DLG2: variants seen among roughly 807,000 people sequenced by gnomAD.
The protein encoded by DLG2 is discs large MAGUK scaffold protein 2.
Under a neutral mutation model 132.5 loss-of-function variants are expected in DLG2, and 45 were observed. The observed-to-expected ratio is 0.34, with a 90% CI of 0.27 to 0.44. The LOEUF (loss-of-function observed/expected upper bound fraction) is 0.44, where lower values mean the gene tolerates loss of function less well. Ranked by LOEUF, DLG2 falls within the 20% of genes least tolerant of loss-of-function variation. DLG2 has a pLI of 1.00. For missense variants in DLG2, 1,045 were observed against 1,196.9 expected, an observed-to-expected ratio of 0.87 and a Z score of 1.87; for synonymous variants, 424 against 419.6, an observed-to-expected ratio of 1.01 and a Z score of -0.13.
At chr11:85,338,006 C>T (rs2082244155) in intron 3 of DLG2, among the ~76,000 whole-genome samples, 1 of 152,152 alleles carries the variant, frequency 6.6e-6, no homozygotes, top group African/African-American at 2.4e-5. Flanking sequence ...AATATAAAAA[C>T]TTACCCAGAA....
intron 3 of DLG2, among the ~76,000 whole-genome samples, chr11:85,504,246 G>T (rs1050273227): frequency 1.3e-5 from 2 of 152,036 alleles, no homozygotes; most frequent in African/African-American, 2.4e-5. Context: ...TTTGGCTTTT[G>T]TTGCCATTGC....
chr11:84,641,980 T>C (rs1178716742), intron 6 of DLG2, among the ~76,000 whole-genome samples: 2 of 141,914 alleles, frequency 1.4e-5, no homozygotes, highest in African/African-American at 2.7e-5. Flanking sequence ...TATGTATGCA[T>C]GTGTGTATGT....
intron 8 of DLG2, among the ~76,000 whole-genome samples, chr11:84,213,692 A>G (rs1222235478): frequency 6.6e-6 from 1 of 151,668 alleles, no homozygotes; most frequent in Non-Finnish European, 1.5e-5. Context: ...GGTGGCGGGC[A>G]CCTGTAGTCC....
At chr11:85,159,736 A>C (rs148440740) in intron 4 of DLG2, among the ~76,000 whole-genome samples, 2 of 152,210 alleles carry the variant, frequency 1.3e-5, no homozygotes, top group African/African-American at 4.8e-5. Flanking sequence ...ATTCCTGTTC[A>C]TAAGACCCAT....
intron 8 of DLG2, among the ~76,000 whole-genome samples, chr11:84,195,339 T>C (rs890458601): frequency 2.6e-5 from 4 of 152,128 alleles, no homozygotes; most frequent in Admixed American, 6.5e-5. Flanking sequence ...AATTTTTTTT[T>C]ATTCTAGTAG....
At chr11:84,684,945 A>AT (rs2153713468) in intron 6 of DLG2, among the ~76,000 whole-genome samples, 1 of 152,322 alleles carries the variant, frequency 6.6e-6, no homozygotes, top group African/African-American at 2.4e-5. Context: ...AACATATAAG[A>AT]TTTTGACATT....
At chr11:85,425,179 TAAAG>T (rs1449834781) in intron 3 of DLG2, among the ~76,000 whole-genome samples, 1 of 152,206 alleles carries the variant, frequency 6.6e-6, no homozygotes, top group Non-Finnish European at 1.5e-5. Flanking sequence ...TTCTAAGGTT[TAAAG>T]CAGAACATCT....
At chr11:84,720,041 G>C (rs1340829461) in intron 6 of DLG2, among the ~76,000 whole-genome samples, 2 of 151,986 alleles carry the variant, frequency 1.3e-5, no homozygotes, top group African/African-American at 4.8e-5. Context: ...CCCCATTTCC[G>C]AGCTGCATCT....
intron 18 of DLG2, among the ~76,000 whole-genome samples, chr11:83,740,138 T>C (rs1043349196): frequency 3.3e-5 from 5 of 152,222 alleles, no homozygotes; most frequent in African/African-American, 1.2e-4. Context: ...GCTAAACTAA[T>C]ACATACTCTA....
chr11:84,436,422 C>T (rs951176050), intron 7 of DLG2, among the ~76,000 whole-genome samples: 2 of 152,096 alleles, frequency 1.3e-5, no homozygotes, highest in African/African-American at 4.8e-5. Context: ...AACACTGTGC[C>T]ACAGGCCAGG....
At chr11:83,645,593 A>G (rs929002203) in intron 18 of DLG2, 1 of 152,148 alleles carries the variant, frequency 6.6e-6, no homozygotes, top group Non-Finnish European at 1.5e-5. Flanking sequence ...TGTATAAGTA[A>G]AACAGGCAAA....
chr11:84,706,732 G>GGA (rs778722081), intron 6 of DLG2, among the ~76,000 whole-genome samples: 1 of 151,662 alleles, frequency 6.6e-6, no homozygotes, highest in Non-Finnish European at 1.5e-5. Context: ...AGGAAGGGAG[G>GGA]GAGGGAGGGA....
At position 83,795,701 on chromosome 11, in the gene DLG2, G is replaced by A. The variant is rs2153920378; in HGVS notation, c.1723-8909C>T. On this transcript the variant is annotated intron_variant, in intron 17 of 27. Coordinates refer to ENST00000376104, the MANE Select transcript of DLG2 (RefSeq NM_001142699.3). ...TTATATTTGCTACTTCTCCCACTAGGGGCATTTATTCCTTGAATAAATGAT... is the reference window on the plus strand; with the variant it reads ...TTATATTTGCTACTTCTCCCACTAGAGGCATTTATTCCTTGAATAAATGAT... Among the ~76,000 whole-genome samples the A allele has an allele frequency of 1.3e-5, 2 of 151,926 alleles. 1 individual carries two copies. The highest frequency in any genetic ancestry group is 4.2e-4 in the South Asian group (2 of 4,806).
intron 6 of DLG2, among the ~76,000 whole-genome samples, chr11:84,837,667 T>G (rs1043477137): frequency 1.3e-5 from 2 of 151,808 alleles, no homozygotes; most frequent in African/African-American, 4.8e-5. Context: ...TAGAACATTA[T>G]CCCATTGCTA....
intron 11 of DLG2, among the ~76,000 whole-genome samples, chr11:84,004,914 A>G (rs185024231): frequency 6.7e-6 from 1 of 149,120 alleles, no homozygotes; most frequent in East Asian, 2.0e-4. Context: ...TTTTACAGAA[A>G]TGAGAAAAAG....
At chr11:84,128,139 G>A (rs538436108) in intron 9 of DLG2, among the ~76,000 whole-genome samples, 2 of 152,318 alleles carry the variant, frequency 1.3e-5, no homozygotes, top group Non-Finnish European at 2.9e-5. Flanking sequence ...AGTGTGGAAT[G>A]AATGGACTAT....
intron 6 of DLG2, among the ~76,000 whole-genome samples, chr11:84,777,143 A>G (rs567861528): frequency 1.3e-5 from 2 of 151,592 alleles, no homozygotes; most frequent in African/African-American, 2.4e-5. Flanking sequence ...AGAACATGCA[A>G]TATTTGACTT....
chr11:85,458,015 T>A (rs963504588), intron 3 of DLG2, among the ~76,000 whole-genome samples: 1 of 152,212 alleles, frequency 6.6e-6, no homozygotes, highest in African/African-American at 2.4e-5. Flanking sequence ...ACAGGTGATA[T>A]TCTAAAATAT....
intron 6 of DLG2, among the ~76,000 whole-genome samples, chr11:85,062,273 T>G (rs900839603): frequency 6.6e-6 from 1 of 151,742 alleles, no homozygotes; most frequent in Admixed American, 6.6e-5. Flanking sequence ...AATGCAATAG[T>G]TGAAAAAATG....
Sources: gnomAD v4.1 joint callset for allele counts (sites outside exome capture counted in the v4.1 genomes callset) on GRCh38, gnomAD v4.1.1 for gene constraint, MANE v1.5 for transcripts, NCBI Gene and HGNC (gene_info 2026-07-23, HGNC 2026-07-21) for gene names.